Variants in ZNF705G observed in about 807,000 individuals in gnomAD.
ZNF705G encodes putative zinc finger protein 705G.
Under a neutral mutation model 19.6 loss-of-function variants are expected in ZNF705G, and 23 were observed. That is an observed-to-expected ratio of 1.17 (90% CI 0.84 to 1.66). The LOEUF (loss-of-function observed/expected upper bound fraction) is 1.66. Among genes scored for constraint, ZNF705G ranks in the 40% most tolerant of loss-of-function variants. The pLI is 0.00. For missense variants in ZNF705G, 457 were observed against 354.4 expected (o/e 1.29, Z -2.32); for synonymous variants, 146 against 117.7 (o/e 1.24, Z -1.56).
At position 7,356,598 on chromosome 8, in the gene ZNF705G, G is replaced by A. The variant is rs1324741795; in HGVS notation, c.*1378C>T. On this transcript the variant is annotated 3_prime_UTR_variant, in exon 7 of 7. Coordinates refer to ENST00000400156, the MANE Select transcript of ZNF705G (RefSeq NM_001164457.3). ...CTGAAGATCCCTGGTGTGTCAACTC[G>A]AGGGTTGGATGGAAACAAGTGGTTT... 3.3e-5 allele frequency: 5 copies of A among 149,678 alleles called. No homozygotes were observed. Among genetic ancestry groups the A allele is most frequent in the Admixed American group, 2.0e-4 (3 of 15,234 alleles). The allele number at this position is 149,678 out of a possible 1,614,324, so 9.3% of individuals were successfully genotyped here. A position where few individuals can be genotyped will look rare whatever the true frequency, so the allele number is the denominator to read the frequency against.
intron 2 of ZNF705G, among the ~76,000 whole-genome samples, chr8:7,366,831 A>G (rs1359543613): frequency 2.0e-5 from 3 of 149,554 alleles, no homozygotes; most frequent in African/African-American, 7.7e-5. Flanking sequence ...CATGCCCAAC[A>G]CGATTTTCTG....
intron 2 of ZNF705G, among the ~76,000 whole-genome samples, chr8:7,369,546 C>A (rs541945298): frequency 3.3e-5 from 5 of 149,450 alleles, no homozygotes; most frequent in Admixed American, 6.6e-5. Context: ...TGGGGACTGA[C>A]CCTTGTATCC....
chr8:7,369,991 G>A lies in ZNF705G; in HGVS notation c.-71-6974C>T, dbSNP rs10106653. Among the ~76,000 whole-genome samples the A allele has an allele frequency of 4.4e-4, 65 of 149,162 alleles. 8 individuals carry two copies. Among genetic ancestry groups the A allele is most frequent in the African/African-American group, 1.6e-3 (63 of 38,672 alleles). On this transcript the variant is annotated intron_variant, in intron 2 of 6. Coordinates refer to ENST00000400156, the MANE Select transcript of ZNF705G (RefSeq NM_001164457.3). Reference sequence around the variant, plus strand: ...TTCATACTCCTCAGCATCACACAATGTGCCAGTGTAAAAACCTGCACATAC... The same window carrying A: ...TTCATACTCCTCAGCATCACACAATATGCCAGTGTAAAAACCTGCACATAC...
chr8:7,383,106 T>C (rs566589127), intron 1 of ZNF705G, among the ~76,000 whole-genome samples: 11 of 147,852 alleles, frequency 7.4e-5, no homozygotes, highest in Admixed American at 1.3e-4. Context: ...ATTTTTTCCT[T>C]GGTTGAGTTC....
rs1806571701 is a variant in ZNF705G at position 7,361,158 on chromosome 8, G to T, written c.91C>A (p.Leu31Met). The T allele has an allele frequency of 6.3e-7, 1 of 1,592,948 alleles. No individual in the cohort carries two copies. Among genetic ancestry groups the T allele is most frequent in the Non-Finnish European group, 8.5e-7 (1 of 1,179,452 alleles). ...TTTTCCAGCATCACATCTCTGTACA[G>T]CTTTCTCTTGGATGTGTCCATCATG... The part of the protein sequence containing the change: ...WAMMDTSKRK[L>M]YRDVMLENIS... Residue 31 changes from leucine to methionine, a missense_variant, in exon 4 of 7, where the codon CTG (leucine) becomes ATG (methionine). Physicochemically the swap from Leu to Met is conservative, Grantham distance 15 (BLOSUM62 2). Coordinates refer to ENST00000400156, the MANE Select transcript of ZNF705G (RefSeq NM_001164457.3).
At chr8:7,369,732 C>A (rs1194849625) in intron 2 of ZNF705G, among the ~76,000 whole-genome samples, 1 of 149,356 alleles carries the variant, frequency 6.7e-6, no homozygotes, top group African/African-American at 2.6e-5. Flanking sequence ...AAATTTATGT[C>A]CTTTGCACCA....
intron 2 of ZNF705G, among the ~76,000 whole-genome samples, chr8:7,380,559 G>T (rs1354779011): frequency 6.8e-6 from 1 of 147,244 alleles, no homozygotes; most frequent in Non-Finnish European, 1.5e-5. Context: ...TGCACCAGGT[G>T]AAAGCCTGAG....
At chr8:7,362,399 C>T (rs1447896235) in intron 3 of ZNF705G, among the ~76,000 whole-genome samples, 1 of 149,546 alleles carries the variant, frequency 6.7e-6, no homozygotes, top group Non-Finnish European at 1.5e-5. Flanking sequence ...CTCAACACTG[C>T]ACAGCTCTTG....
intron 2 of ZNF705G, among the ~76,000 whole-genome samples, chr8:7,371,027 T>C (rs1486820687): frequency 7.5e-6 from 1 of 132,922 alleles, no homozygotes; most frequent in Admixed American, 7.8e-5. Flanking sequence ...AACACATGGA[T>C]ATTAGGAGGG....
intron 1 of ZNF705G, 78 bp from the exon 2 acceptor site, chr8:7,381,679 T>A (rs1345478000): frequency 1.3e-5 from 2 of 148,600 alleles, no homozygotes; most frequent in Non-Finnish European, 2.9e-5. Flanking sequence ...CACTTATAAA[T>A]AAGAGCTAAG....
chr8:7,356,347 G>A lies in ZNF705G; in HGVS notation c.*1629C>T, dbSNP rs1427637798. Reference sequence around the variant, plus strand: ...ACCAGAATAAAATGTGGGGTGTTATGAGATGAACTGCTACTTCCAGTTAGA... The same window carrying A: ...ACCAGAATAAAATGTGGGGTGTTATAAGATGAACTGCTACTTCCAGTTAGA... On this transcript the variant is annotated 3_prime_UTR_variant, in exon 7 of 7. Coordinates refer to ENST00000400156, the MANE Select transcript of ZNF705G (RefSeq NM_001164457.3). 1.3e-5 allele frequency: 2 copies of A among 149,720 alleles called. No individual in the cohort carries two copies. The highest frequency in any genetic ancestry group is 1.3e-4 in the Admixed American group (2 of 15,242). 9.3% of individuals were successfully genotyped at this position (149,720 alleles called of 1,614,324 possible). A position where few individuals can be genotyped will look rare whatever the true frequency, so the allele number is the denominator to read the frequency against.
intron 2 of ZNF705G, among the ~76,000 whole-genome samples, chr8:7,368,544 G>C (rs1213015140): frequency 1.5e-4 from 22 of 149,752 alleles, no homozygotes; most frequent in Admixed American, 7.9e-4. Flanking sequence ...AAGTATTATA[G>C]GGGTCATGTA....
intron 2 of ZNF705G, among the ~76,000 whole-genome samples, chr8:7,381,152 G>A (rs1807480831): frequency 8.1e-6 from 1 of 123,310 alleles, no homozygotes; most frequent in Non-Finnish European, 1.6e-5. Flanking sequence ...TGATTCACAT[G>A]GAAATGGTTT....
At chr8:7,371,046 C>T (rs1215616522) in intron 2 of ZNF705G, among the ~76,000 whole-genome samples, 1 of 136,312 alleles carries the variant, frequency 7.3e-6, no homozygotes, top group Non-Finnish European at 1.5e-5. Flanking sequence ...GGGAACAACA[C>T]ACACTGGGGC....
chr8:7,362,516 T>C (rs1294279394), intron 3 of ZNF705G, among the ~76,000 whole-genome samples: 1 of 149,626 alleles, frequency 6.7e-6, no homozygotes, highest in African/African-American at 2.6e-5. Context: ...CCTGCATTAA[T>C]CACAATCCTA....
At chr8:7,377,953 CAAAAAAAAAAAAA>C (rs1175739210) in intron 2 of ZNF705G, among the ~76,000 whole-genome samples, 1 of 53,118 alleles carries the variant, frequency 1.9e-5, no homozygotes, top group African/African-American at 1.3e-4. Context: ...GACACTGTCT[CAAAAAAAAAAAAA>C]AAAAAAAAAA....
intron 1 of ZNF705G, among the ~76,000 whole-genome samples, chr8:7,383,230 G>A (rs1476740700): frequency 6.7e-6 from 1 of 149,242 alleles, no homozygotes. Flanking sequence ...GACACATTAG[G>A]GGCCAAAGAG....
intron 1 of ZNF705G, among the ~76,000 whole-genome samples, chr8:7,382,706 C>A (rs1807548669): frequency 6.8e-6 from 1 of 146,524 alleles, no homozygotes; most frequent in Non-Finnish European, 1.5e-5. Flanking sequence ...ATTAAATTAA[C>A]CAACATTTAA....
chr8:7,375,119 G>C lies in ZNF705G; in HGVS notation c.-72+6333C>G, dbSNP rs1248069263. Among the ~76,000 whole-genome samples, 4 of 94,158 alleles carry C rather than the reference G, an allele frequency of 4.2e-5. 2 individuals are homozygous for C. The highest frequency in any genetic ancestry group is 8.3e-5 in the Non-Finnish European group (4 of 48,062). The allele number at this position is 94,158 out of a possible 152,430, so 61.8% of individuals were successfully genotyped here. On this transcript the variant is annotated intron_variant, in intron 2 of 6. Transcript: ENST00000400156. ...TGTGTGATATTGAGGTTTGGGGTAT[G>C]AATAACTCTGTCACGCAGGTAGGGT...
Sources: allele counts gnomAD v4.1 joint callset (sites outside exome capture counted in the v4.1 genomes callset), GRCh38; gene constraint gnomAD v4.1.1; transcripts MANE v1.5; gene names NCBI Gene and HGNC (gene_info 2026-07-23, HGNC 2026-07-21).